TBL1X: variants seen among roughly 807,000 people sequenced by gnomAD.
TBL1X encodes F-box-like/WD repeat-containing protein TBL1X.
In TBL1X, 10 loss-of-function variants were observed where a neutral mutation model predicts 50.7. That is an observed-to-expected ratio of 0.20 (90% CI 0.12 to 0.33). TBL1X has a LOEUF of 0.33. Among genes scored for constraint, TBL1X ranks in the 10% least tolerant of loss-of-function variants. The probability of loss-of-function intolerance (pLI) is 1.00; values close to 1 mark genes in which losing one functional copy is unlikely to be tolerated. For synonymous variants in TBL1X, 190 were observed against 214.7 expected, an observed-to-expected ratio of 0.88 and a Z score of 1.01; for missense variants, 340 against 504.4, an observed-to-expected ratio of 0.67 and a Z score of 3.12.
intron 6 of TBL1X, among the ~76,000 whole-genome samples, chrX:9,685,944 AGCGATCCTCCC>A (rs779698584): frequency 2.6e-3 from 284 of 110,443 alleles, no homozygotes; most frequent in Middle Eastern, 9.3e-3. Context: ...CCTGGGCTCA[AGCGATCCTCCC>A]GCGATCCTCC....
intron 1 of TBL1X, among the ~76,000 whole-genome samples, chrX:9,474,278 T>G (rs2081835501): frequency 8.9e-6 from 1 of 112,966 alleles, no homozygotes; most frequent in South Asian, 3.6e-4. Flanking sequence ...AAAGGATATA[T>G]GATGAAAGAA....
chrX:9,506,211 T>C (rs1209575814), intron 2 of TBL1X, among the ~76,000 whole-genome samples: 1 of 111,790 alleles, frequency 8.9e-6, no homozygotes, highest in Non-Finnish European at 1.9e-5. Context: ...CCTGGGTAAA[T>C]AATGACATTA....
At chrX:9,505,440 C>T (rs1168326376) in intron 2 of TBL1X, among the ~76,000 whole-genome samples, 3 of 111,965 alleles carry the variant, frequency 2.7e-5, no homozygotes, top group African/African-American at 9.8e-5. Context: ...CAAATTCACA[C>T]ATAACAATAT....
At chrX:9,532,614 C>G (rs779515975) in intron 2 of TBL1X, among the ~76,000 whole-genome samples, 87 of 111,078 alleles carry the variant, frequency 7.8e-4, no homozygotes, top group African/African-American at 2.6e-3. Flanking sequence ...AACAGCAGCC[C>G]GTAATTCTCC....
At chrX:9,540,402 C>T (rs912494927) in intron 2 of TBL1X, among the ~76,000 whole-genome samples, 1 of 112,194 alleles carries the variant, frequency 8.9e-6, no homozygotes, top group African/African-American at 3.2e-5. Flanking sequence ...AGTCAGCTGG[C>T]GAGGGGGAAG....
chrX:9,504,335 T>C (rs1228822838), intron 2 of TBL1X, among the ~76,000 whole-genome samples: 1 of 111,639 alleles, frequency 9.0e-6, no homozygotes, highest in Non-Finnish European at 1.9e-5. Context: ...GACAAACTCA[T>C]GAAGATGAGA....
chrX:9,549,022 T>C (rs1211979807), intron 2 of TBL1X, among the ~76,000 whole-genome samples: 2 of 113,349 alleles, frequency 1.8e-5, no homozygotes, highest in Non-Finnish European at 3.7e-5. Flanking sequence ...CTTTTTCTCA[T>C]GCTTACTTGA....
intron 2 of TBL1X, among the ~76,000 whole-genome samples, chrX:9,596,776 C>T (rs751305857): frequency 8.1e-5 from 9 of 111,389 alleles, no homozygotes; most frequent in African/African-American, 2.6e-4. Flanking sequence ...TGCGAGCTGC[C>T]TTGGCTTTTT....
intron 2 of TBL1X, among the ~76,000 whole-genome samples, chrX:9,516,083 G>C (rs5978327): frequency 0.015 from 1,627 of 110,969 alleles, 38 homozygotes; most frequent in African/African-American, 0.051. Context: ...ATCTAGTGTG[G>C]TCACAGCTGG....
At chrX:9,569,935 G>A (rs1349435867) in intron 2 of TBL1X, among the ~76,000 whole-genome samples, 1 of 112,219 alleles carries the variant, frequency 8.9e-6, no homozygotes, top group Non-Finnish European at 1.9e-5. Context: ...GTTGCTAAAG[G>A]TGGTGCCCCA....
chrX:9,484,317 T>TACAC (rs746013426), intron 1 of TBL1X, among the ~76,000 whole-genome samples: 2 of 108,799 alleles, frequency 1.8e-5, no homozygotes, highest in African/African-American at 3.4e-5. Flanking sequence ...CGTTTTTTCA[T>TACAC]ACACACACAC....
At chrX:9,692,050 T>C (rs780100232) in intron 8 of TBL1X, 63 bp from the exon 9 acceptor site, 116 of 1,204,407 alleles carry the variant, frequency 9.6e-5, no homozygotes, top group Non-Finnish European at 1.2e-4. Context: ...GAGAGCAAGC[T>C]GTGGAGAGCT....
intron 13 of TBL1X, among the ~76,000 whole-genome samples, chrX:9,706,305 G>C (rs751582185): frequency 7.2e-5 from 8 of 111,410 alleles, no homozygotes; most frequent in Non-Finnish European, 1.5e-4. Flanking sequence ...ATGGCTTATG[G>C]AACAATATCA....
intron 2 of TBL1X, among the ~76,000 whole-genome samples, chrX:9,635,938 C>G (rs764270125): frequency 8.9e-6 from 1 of 112,585 alleles, no homozygotes; most frequent in South Asian, 3.7e-4. Context: ...TGGAAAAACA[C>G]AACGTGGTTC....
intron 5 of TBL1X, among the ~76,000 whole-genome samples, chrX:9,668,925 ATTC>A (rs2082945583): frequency 2.7e-5 from 3 of 111,801 alleles, no homozygotes; most frequent in Admixed American, 9.5e-5. Flanking sequence ...ATGGCAAATA[ATTC>A]TTCTTGCTGC....
At chrX:9,607,980 T>C (rs1314838968) in intron 2 of TBL1X, among the ~76,000 whole-genome samples, 7 of 107,917 alleles carry the variant, frequency 6.5e-5, no homozygotes, top group African/African-American at 2.4e-4. Flanking sequence ...TTTTTTTTTT[T>C]TTCCAATTTT....
chrX:9,575,026 G>C (rs1487949491), intron 2 of TBL1X, among the ~76,000 whole-genome samples: 2 of 111,501 alleles, frequency 1.8e-5, no homozygotes, highest in Non-Finnish European at 3.8e-5. Flanking sequence ...CCTGAGACTG[G>C]GTAATTTATA....
chrX:9,670,713 G>A (rs760726553), intron 5 of TBL1X, among the ~76,000 whole-genome samples: 2 of 112,523 alleles, frequency 1.8e-5, no homozygotes, highest in Admixed American at 1.9e-4. Context: ...TGCAAGACAC[G>A]TTTCCATGGA....
chrX:9,584,546 G>A (rs1457588319), intron 2 of TBL1X, among the ~76,000 whole-genome samples: 5 of 111,935 alleles, frequency 4.5e-5, no homozygotes, highest in Non-Finnish European at 9.4e-5. Context: ...TCCCTGTTGG[G>A]GAGAGGTGGA....
Sources: gnomAD v4.1 joint callset for allele counts (sites outside exome capture counted in the v4.1 genomes callset) on GRCh38, gnomAD v4.1.1 for gene constraint, MANE v1.5 for transcripts, NCBI Gene and HGNC (gene_info 2026-07-23, HGNC 2026-07-21) for gene names.